The following CDH13 variants were observed in gnomAD, a reference collection of about 807,000 sequenced individuals.
The protein encoded by CDH13 is cadherin-13.
A neutral mutation model predicts 63.8 loss-of-function variants in CDH13; 24 were observed. That is an observed-to-expected ratio of 0.38 (90% CI 0.27 to 0.53). The LOEUF is 0.53. Among genes scored for constraint, CDH13 ranks in the 20% least tolerant of loss-of-function variants. The pLI is 0.85. For missense variants in CDH13, 1,049 were observed against 903.1 expected, an observed-to-expected ratio of 1.16 and a Z score of -2.07; for synonymous variants, 503 against 355.3, an observed-to-expected ratio of 1.42 and a Z score of -4.67.
rs189311055 is a variant in CDH13 at position 82,885,542 on chromosome 16, T to G, written c.157+27069T>G. Among the ~76,000 whole-genome samples, 29 of 151,370 alleles carry G rather than the reference T, an allele frequency of 1.9e-4. No homozygotes were observed. The East Asian group carries it at 2.9e-3, about 15-fold the overall frequency. On this transcript the variant is annotated intron_variant, in intron 2 of 13. Coordinates refer to ENST00000567109, the MANE Select transcript of CDH13 (RefSeq NM_001257.5). ...ATTCATCCATCCATCCATCCATCCA[T>G]CCAGCCATCCATCCATTCACTTATC...
intron 8 of CDH13, among the ~76,000 whole-genome samples, chr16:83,634,065 A>G (rs1323489317): frequency 6.6e-6 from 1 of 152,056 alleles, no homozygotes; most frequent in Non-Finnish European, 1.5e-5. Flanking sequence ...TCATGTGGGC[A>G]CAATACTATT....
Position 83,217,435 on chromosome 16 carries a change from G to C in CDH13, c.574G>C (p.Glu192Gln), listed in dbSNP as rs1159859105. Residue 192 changes from glutamate (E) to glutamine (Q), a missense_variant, in exon 5 of 14, where the codon GAG (glutamate) becomes CAG (glutamine). By Grantham distance (29) the Glu-to-Gln change is conservative (BLOSUM62 2). Transcript: ENST00000567109. ...GCCTAAAGGAATTTTCAGAATCAAT[G>C]AGAACACAGGGAGCGTCTCCGTGAC... ...QEPKGIFRIN[E>Q]NTGSVSVTRT... is the part of the protein sequence containing the mutation. The C allele has an allele frequency of 1.9e-6, 3 of 1,613,848 alleles. No homozygotes were observed. The Admixed American group carries it at 5.0e-5, about 27-fold the overall frequency.
At chr16:83,008,024 G>T (rs1328353724) in intron 2 of CDH13, among the ~76,000 whole-genome samples, 2 of 152,060 alleles carry the variant, frequency 1.3e-5, no homozygotes, top group Admixed American at 1.3e-4. Context: ...ATGGATCATA[G>T]TTGCTAAGAG....
intron 2 of CDH13, among the ~76,000 whole-genome samples, chr16:82,984,297 T>C (rs1910663337): frequency 6.6e-6 from 1 of 152,202 alleles, no homozygotes. Flanking sequence ...TGAAGTATCA[T>C]TCAGCTATGT....
intron 7 of CDH13, among the ~76,000 whole-genome samples, chr16:83,590,049 G>C (rs1050394597): frequency 3.3e-5 from 5 of 152,162 alleles, no homozygotes; most frequent in Non-Finnish European, 5.9e-5. Context: ...AAATAGCTCA[G>C]CTTTACAGAA....
intron 2 of CDH13, among the ~76,000 whole-genome samples, chr16:82,938,659 T>G (rs999341898): frequency 2.0e-5 from 3 of 152,104 alleles, no homozygotes; most frequent in Non-Finnish European, 4.4e-5. Context: ...GACAAGGATG[T>G]GAGTGTGTAT....
chr16:83,423,952 G>A (rs1284215003), intron 6 of CDH13, among the ~76,000 whole-genome samples: 1 of 152,216 alleles, frequency 6.6e-6, no homozygotes, highest in Non-Finnish European at 1.5e-5. Context: ...ACATCTACAA[G>A]TAAGAAACGT....
chr16:83,689,114 GC>G (rs564143737), intron 10 of CDH13, among the ~76,000 whole-genome samples: 244 of 152,218 alleles, frequency 1.6e-3, no homozygotes, highest in African/African-American at 5.8e-3. Context: ...TTTGCCATAG[GC>G]CAGACTTTCA....
intron 3 of CDH13, among the ~76,000 whole-genome samples, chr16:83,046,386 G>A (rs955869512): frequency 2.0e-5 from 3 of 151,966 alleles, no homozygotes; most frequent in African/African-American, 2.4e-5. Context: ...AACCAATTTG[G>A]CAAACACTTA....
chr16:83,279,821 C>T (rs1430626705), intron 5 of CDH13, among the ~76,000 whole-genome samples: 4 of 148,796 alleles, frequency 2.7e-5, no homozygotes, highest in Non-Finnish European at 5.9e-5. Context: ...AAAGGAATAT[C>T]ACAATGAAGT....
chr16:83,004,167 T>G (rs1913231479), intron 2 of CDH13, among the ~76,000 whole-genome samples: 1 of 152,178 alleles, frequency 6.6e-6, no homozygotes, highest in Non-Finnish European at 1.5e-5. Context: ...CCAGGCCAGC[T>G]GAATCCCATT....
intron 10 of CDH13, among the ~76,000 whole-genome samples, chr16:83,736,499 C>G (rs1280365764): frequency 6.6e-6 from 1 of 152,108 alleles, no homozygotes; most frequent in East Asian, 1.9e-4. Flanking sequence ...TCAATTTGGT[C>G]AAAAGCAACA....
chr16:83,727,736 T>G (rs977081408), intron 10 of CDH13, among the ~76,000 whole-genome samples: 5 of 152,074 alleles, frequency 3.3e-5, no homozygotes, highest in African/African-American at 1.2e-4. Context: ...GCCTGTGTGT[T>G]CAGGACAGGA....
At chr16:83,778,681 T>A (rs1384093052) in intron 11 of CDH13, among the ~76,000 whole-genome samples, 1 of 152,208 alleles carries the variant, frequency 6.6e-6, no homozygotes, top group East Asian at 1.9e-4. Flanking sequence ...GATTATATGA[T>A]GATTGCTTCT....
At chr16:83,730,815 A>G (rs1462667756) in intron 10 of CDH13, among the ~76,000 whole-genome samples, 2 of 152,062 alleles carry the variant, frequency 1.3e-5, no homozygotes, top group African/African-American at 2.4e-5. Context: ...CACCCCTTCC[A>G]TGCTCCCCCT....
intron 2 of CDH13, among the ~76,000 whole-genome samples, chr16:82,920,244 C>G (rs1216516343): frequency 1.3e-5 from 2 of 152,186 alleles, no homozygotes; most frequent in Non-Finnish European, 2.9e-5. Context: ...CCATGCGTCA[C>G]CCCTTCCCAA....
At chr16:82,762,307 T>A (rs2034884817) in intron 1 of CDH13, among the ~76,000 whole-genome samples, 1 of 152,246 alleles carries the variant, frequency 6.6e-6, no homozygotes, top group Non-Finnish European at 1.5e-5. Flanking sequence ...TGATTACTTC[T>A]AAATTGTTAT....
At chr16:83,202,025 C>T (rs2039047021) in intron 4 of CDH13, among the ~76,000 whole-genome samples, 1 of 152,182 alleles carries the variant, frequency 6.6e-6, no homozygotes, top group Admixed American at 6.5e-5. Flanking sequence ...GCATTAAGAA[C>T]TCTATTTCAG....
intron 2 of CDH13, among the ~76,000 whole-genome samples, chr16:82,921,881 C>A (rs2042166721): frequency 6.6e-6 from 1 of 152,112 alleles, no homozygotes; most frequent in Non-Finnish European, 1.5e-5. Flanking sequence ...TGGGTCTGAG[C>A]TTTTCTTTGC....
Sources: gnomAD v4.1 joint callset for allele counts (sites outside exome capture counted in the v4.1 genomes callset) on GRCh38, gnomAD v4.1.1 for gene constraint, MANE v1.5 for transcripts, NCBI Gene and HGNC (gene_info 2026-07-23, HGNC 2026-07-21) for gene names.